Variants in PLLP observed in about 807,000 individuals in gnomAD.
The protein encoded by PLLP is plasma membrane proteolipid (plasmolipin).
PLLP carries 15 observed loss-of-function variants against 19.7 expected under a neutral mutation model. The observed-to-expected ratio is 0.76, with a 90% CI of 0.51 to 1.17. The LOEUF (loss-of-function observed/expected upper bound fraction) is 1.17. Ranked by LOEUF, PLLP falls within the 50% of genes most tolerant of loss-of-function variation. The probability of loss-of-function intolerance (pLI) is 0.00; values close to 1 mark genes in which losing one functional copy is unlikely to be tolerated. For missense variants in PLLP, 255 were observed against 258.3 expected (o/e 0.99, Z 0.09); for synonymous variants, 111 against 116.3 (o/e 0.95, Z 0.29).
chr16:57,277,283 T>C (rs1375593811), intron 1 of PLLP, among the ~76,000 whole-genome samples: 4 of 152,208 alleles, frequency 2.6e-5, no homozygotes, highest in African/African-American at 7.2e-5. Flanking sequence ...GCATTGTAAA[T>C]ACATTACCTA....
chr16:57,284,155 T>G (rs1351499181), intron 1 of PLLP, among the ~76,000 whole-genome samples: 2 of 152,046 alleles, frequency 1.3e-5, no homozygotes, highest in African/African-American at 2.4e-5. Flanking sequence ...GGGCACTCTG[T>G]ACACGGTGCA....
chr16:57,266,382 T>C (rs1372899963), intron 1 of PLLP, among the ~76,000 whole-genome samples: 2 of 152,240 alleles, frequency 1.3e-5, no homozygotes, highest in Non-Finnish European at 2.9e-5. Context: ...GGTTCGTTCC[T>C]GCATTTGAAC....
intron 1 of PLLP, among the ~76,000 whole-genome samples, chr16:57,273,191 C>T (rs1239677760): frequency 2.0e-5 from 3 of 150,812 alleles, no homozygotes; most frequent in Admixed American, 6.6e-5. Flanking sequence ...ACTCGGGAGG[C>T]GGAGCTTGCA....
At chr16:57,261,522 G>A (rs2075441694) in intron 2 of PLLP, among the ~76,000 whole-genome samples, 1 of 151,980 alleles carries the variant, frequency 6.6e-6, no homozygotes, top group Admixed American at 6.6e-5. Flanking sequence ...TTCAAGACCA[G>A]CCTGGGAAAT....
intron 1 of PLLP, 23 bp downstream of exon 1, chr16:57,284,383 C>A (rs1240252394): frequency 7.3e-7 from 1 of 1,363,248 alleles, no homozygotes. Context: ...CGGCCAACCC[C>A]GTGGGCCCGC....
chr16:57,271,503 G>C (rs2075475238), intron 1 of PLLP, among the ~76,000 whole-genome samples: 1 of 152,018 alleles, frequency 6.6e-6, no homozygotes, highest in Non-Finnish European at 1.5e-5. Context: ...AAGTTAGCTG[G>C]GCGTGGTGGT....
At chr16:57,270,663 G>T (rs546789222) in intron 1 of PLLP, among the ~76,000 whole-genome samples, 188 of 152,228 alleles carry the variant, frequency 1.2e-3, no homozygotes, top group Middle Eastern at 3.4e-3. Context: ...GGGGACAGAG[G>T]CTCCGGGCGC....
At position 57,284,431 on chromosome 16, in the gene PLLP, A is replaced by C. The variant is rs1330489624; in HGVS notation, c.110T>G (p.Leu37Arg). ...RPDLGFVRSRLGALMLLQLVL... is the reference protein window; with the variant it reads ...RPDLGFVRSRRGALMLLQLVL... The stretch of plus-strand genomic sequence containing the variant: ...CAGCTGCAGCAGCATGAGCGCCCCG[A>C]GGCGGGAGCGCACGAAGCCCAGGTC... Residue 37 changes from leucine (L) to arginine (R), a missense_variant, in exon 1 of 4, where the codon CTC (leucine) becomes CGC (arginine). Physicochemically the swap from Leu to Arg is moderately radical, Grantham distance 102. Transcript: ENST00000219207. The C allele has an allele frequency of 7.1e-7, 1 of 1,404,816 alleles. No individual in the cohort carries two copies. Among genetic ancestry groups the C allele is most frequent in the Non-Finnish European group, 9.3e-7 (1 of 1,077,282 alleles). The allele number at this position is 1,404,816 out of a possible 1,614,324, so 87.0% of individuals were successfully genotyped here.
In PLLP at chr16:57,284,506, G is replaced by A; in HGVS notation, c.35C>T (p.Thr12Ile). Residue 12 changes from threonine (T) to isoleucine (I), a missense_variant, in exon 1 of 4, where the codon ACC becomes ATC. Physicochemically the swap from Thr to Ile is moderately conservative, Grantham distance 89 (BLOSUM62 -1). Coordinates refer to ENST00000219207, the MANE Select transcript of PLLP (RefSeq NM_015993.3). ...TTCGGCGCCCTGCGCAGGACTGCTG[G>A]TCCGCGTGCTAACTTTCGACGGGAA... ...AEFPSKVSTR[T>I]SSPAQGAEAS... 1 of 1,407,288 alleles carries A rather than the reference G, an allele frequency of 7.1e-7. No homozygotes were observed. The highest frequency in any genetic ancestry group is 9.3e-7 in the Non-Finnish European group (1 of 1,069,980). 87.2% of individuals were successfully genotyped at this position (1,407,288 alleles called of 1,614,324 possible). A position where few individuals can be genotyped will look rare whatever the true frequency, so the allele number is the denominator to read the frequency against.
intron 1 of PLLP, among the ~76,000 whole-genome samples, chr16:57,265,825 C>T (rs1257309621): frequency 6.6e-6 from 1 of 152,074 alleles, no homozygotes; most frequent in Non-Finnish European, 1.5e-5. Flanking sequence ...CTCAGGAGTT[C>T]GAAACCAGCC....
intron 1 of PLLP, among the ~76,000 whole-genome samples, chr16:57,279,617 G>A (rs1467409098): frequency 6.6e-6 from 1 of 151,638 alleles, no homozygotes; most frequent in Non-Finnish European, 1.5e-5. Flanking sequence ...TGAGGTTGCA[G>A]TGAGCTGTGA....
At chr16:57,276,254 C>T (rs1360547518) in intron 1 of PLLP, among the ~76,000 whole-genome samples, 1 of 152,122 alleles carries the variant, frequency 6.6e-6, no homozygotes, top group African/African-American at 2.4e-5. Context: ...GTCAGGAGTT[C>T]GAGGCCAGTC....
At chr16:57,258,068 C>A (rs1195644708) in intron 3 of PLLP, among the ~76,000 whole-genome samples, 1 of 151,752 alleles carries the variant, frequency 6.6e-6, no homozygotes. Context: ...AAAAAAAATA[C>A]AAAATACAAA....
At chr16:57,272,638 T>C (rs1026256635) in intron 1 of PLLP, among the ~76,000 whole-genome samples, 11 of 152,286 alleles carry the variant, frequency 7.2e-5, no homozygotes, top group African/African-American at 2.4e-5. Flanking sequence ...TGAGCAAGAC[T>C]TGTCTGTCTC....
In PLLP at chr16:57,284,430, G is replaced by A. The variant is rs1901257135; in HGVS notation, c.111C>T (p.Leu37=). ...CCAGCTGCAGCAGCATGAGCGCCCC[G>A]AGGCGGGAGCGCACGAAGCCCAGGT... ...RPDLGFVRSR[L]GALMLLQLVL... is the part of the protein sequence containing the mutation. Residue 37 remains leucine (L), a synonymous_variant, in exon 1 of 4, where the codon CTC becomes CTT. Coordinates refer to ENST00000219207, the MANE Select transcript of PLLP (RefSeq NM_015993.3). The A allele has an allele frequency of 2.1e-6, 3 of 1,404,474 alleles. No individual in the cohort carries two copies. Among genetic ancestry groups the A allele is most frequent in the South Asian group, 1.5e-5 (1 of 67,478 alleles). The allele number at this position is 1,404,474 out of a possible 1,614,324, so 87.0% of individuals were successfully genotyped here.
chr16:57,264,399 G>A (rs974455286), intron 1 of PLLP, among the ~76,000 whole-genome samples: 1 of 152,228 alleles, frequency 6.6e-6, no homozygotes, highest in African/African-American at 2.4e-5. Context: ...GGAAGATTCT[G>A]GGTTTTGTTC....
chr16:57,257,827 T>A (rs1248512873), intron 3 of PLLP, among the ~76,000 whole-genome samples: 3 of 152,164 alleles, frequency 2.0e-5, no homozygotes. Context: ...TTTCACATTC[T>A]CCAAGGGGGC....
intron 2 of PLLP, among the ~76,000 whole-genome samples, chr16:57,260,061 T>C (rs1395718675): frequency 6.6e-6 from 1 of 151,700 alleles, no homozygotes; most frequent in Non-Finnish European, 1.5e-5. Flanking sequence ...GAAGTGAGTA[T>C]AGAGGCAGCT....
intron 1 of PLLP, among the ~76,000 whole-genome samples, chr16:57,269,052 C>T (rs1255886563): frequency 6.6e-6 from 1 of 152,212 alleles, no homozygotes; most frequent in African/African-American, 2.4e-5. Flanking sequence ...CCCAGAAATC[C>T]AGCCCAGCCC....
Sources: allele counts gnomAD v4.1 joint callset (sites outside exome capture counted in the v4.1 genomes callset), GRCh38; gene constraint gnomAD v4.1.1; transcripts MANE v1.5; gene names NCBI Gene and HGNC (gene_info 2026-07-23, HGNC 2026-07-21).